The following KHDRBS2 variants were observed in gnomAD, a reference collection of about 807,000 sequenced individuals.
The protein encoded by KHDRBS2 is KH domain-containing, RNA-binding, signal transduction-associated protein 2.
KHDRBS2 carries 26 observed loss-of-function variants against 44.3 expected under a neutral mutation model. That is an observed-to-expected ratio of 0.59 (90% CI 0.43 to 0.81). The LOEUF (loss-of-function observed/expected upper bound fraction) is 0.81. KHDRBS2 is among the 40% of genes least tolerant of loss of function. The pLI is 0.00. For synonymous variants in KHDRBS2, 194 were observed against 151.1 expected, an observed-to-expected ratio of 1.28 and a Z score of -2.08; for missense variants, 476 against 433.1, an observed-to-expected ratio of 1.10 and a Z score of -0.88.
At chr6:62,164,876 C>T (rs150226086) in intron 2 of KHDRBS2, among the ~76,000 whole-genome samples, 226 of 151,978 alleles carry the variant, frequency 1.5e-3, no homozygotes, top group African/African-American at 4.6e-3. Flanking sequence ...AGAGCAGCAA[C>T]ATCTCAAATT....
chr6:62,148,090 G>T (rs2150103267), intron 2 of KHDRBS2, among the ~76,000 whole-genome samples: 1 of 152,112 alleles, frequency 6.6e-6, no homozygotes, highest in East Asian at 1.9e-4. Context: ...CTGACTTCGT[G>T]ACTTGACTTT....
intron 4 of KHDRBS2, among the ~76,000 whole-genome samples, chr6:61,950,420 C>A (rs938508797): frequency 2.6e-5 from 4 of 151,968 alleles, no homozygotes; most frequent in African/African-American, 9.7e-5. Context: ...AGTTAACATT[C>A]CAGATGTTCC....
chr6:61,769,762 G>A (rs1467218698), intron 6 of KHDRBS2, among the ~76,000 whole-genome samples: 3 of 152,214 alleles, frequency 2.0e-5, no homozygotes, highest in Non-Finnish European at 4.4e-5. Context: ...TCTGGGGGCA[G>A]GGCACAGACA....
At chr6:61,595,776 AGTATAT>A in the KHDRBS2 span, among the ~76,000 whole-genome samples, 1 of 151,958 alleles carries the variant, frequency 6.6e-6, no homozygotes, top group East Asian at 1.9e-4. Context: ...ACGATGTCAA[AGTATAT>A]AAACAAACAT....
At chr6:62,157,799 T>A (rs1375130625) in intron 2 of KHDRBS2, among the ~76,000 whole-genome samples, 1 of 152,200 alleles carries the variant, frequency 6.6e-6, no homozygotes, top group Non-Finnish European at 1.5e-5. Context: ...AAAACTGTAT[T>A]TAAGATGAAT....
intron 1 of KHDRBS2, among the ~76,000 whole-genome samples, chr6:62,234,776 C>T (rs1414117459): frequency 6.6e-6 from 1 of 151,900 alleles, no homozygotes; most frequent in Non-Finnish European, 1.5e-5. Flanking sequence ...ACTTCTAACA[C>T]CACCACACAA....
At chr6:61,714,717 TAA>T (rs999327688) in intron 7 of KHDRBS2, among the ~76,000 whole-genome samples, 2 of 151,872 alleles carry the variant, frequency 1.3e-5, no homozygotes, top group Non-Finnish European at 2.9e-5. Context: ...TACTCATCCA[TAA>T]AAAAGAATGA....
chr6:62,050,817 T>A (rs1414767002), intron 2 of KHDRBS2, among the ~76,000 whole-genome samples: 1 of 152,048 alleles, frequency 6.6e-6, no homozygotes, highest in Non-Finnish European at 1.5e-5. Flanking sequence ...ATTAAAAACA[T>A]ATGTTCATAA....
At chr6:61,893,058 A>G (rs1312638148) in intron 6 of KHDRBS2, among the ~76,000 whole-genome samples, 1 of 152,206 alleles carries the variant, frequency 6.6e-6, no homozygotes, top group African/African-American at 2.4e-5. Flanking sequence ...ATTTACAAGA[A>G]AAAAACAACC....
chr6:61,625,265 G>C, the KHDRBS2 span, among the ~76,000 whole-genome samples: 1 of 150,996 alleles, frequency 6.6e-6, no homozygotes, highest in Non-Finnish European at 1.5e-5. Context: ...ACAGAGATGG[G>C]GTTGTAATTT....
intron 6 of KHDRBS2, among the ~76,000 whole-genome samples, chr6:61,856,868 T>C (rs1796235297): frequency 6.6e-6 from 1 of 152,014 alleles, no homozygotes; most frequent in African/African-American, 2.4e-5. Context: ...TATGCAGTAG[T>C]TTTGTTAATC....
chr6:61,913,781 AAAGGAGT>A (rs1806469940), intron 4 of KHDRBS2, among the ~76,000 whole-genome samples: 5 of 152,060 alleles, frequency 3.3e-5, no homozygotes, highest in African/African-American at 1.2e-4. Context: ...ACCCAAATGA[AAAGGAGT>A]CTGTCATGTG....
At chr6:62,135,982 T>C (rs1488769995) in intron 2 of KHDRBS2, among the ~76,000 whole-genome samples, 4 of 151,588 alleles carry the variant, frequency 2.6e-5, no homozygotes, top group East Asian at 1.9e-4. Context: ...ATCTAAGGTA[T>C]AGCAAGAGGA....
intron 3 of KHDRBS2, among the ~76,000 whole-genome samples, chr6:61,998,348 C>T (rs1325813264): frequency 6.6e-6 from 1 of 152,102 alleles, no homozygotes; most frequent in African/African-American, 2.4e-5. Flanking sequence ...TAATAAGTTG[C>T]TATTTCTTAC....
downstream of KHDRBS2, among the ~76,000 whole-genome samples, chr6:61,675,338 C>G (rs1294591272): frequency 6.6e-6 from 1 of 151,618 alleles, no homozygotes; most frequent in Non-Finnish European, 1.5e-5. Flanking sequence ...TTTGTGACAA[C>G]TTTATTTAAA....
intron 6 of KHDRBS2, among the ~76,000 whole-genome samples, chr6:61,889,165 C>T (rs1168412271): frequency 3.3e-5 from 5 of 152,118 alleles, no homozygotes; most frequent in African/African-American, 1.2e-4. Context: ...GGTATTTATG[C>T]ATGCTTATAA....
intron 3 of KHDRBS2, among the ~76,000 whole-genome samples, chr6:62,004,736 C>T (rs756368425): frequency 8.5e-5 from 13 of 152,060 alleles, no homozygotes; most frequent in Non-Finnish European, 1.5e-4. Context: ...ACCAATATCC[C>T]TGATGAACAT....
chr6:62,174,925 T>C (rs977367383), intron 2 of KHDRBS2, among the ~76,000 whole-genome samples: 1 of 151,752 alleles, frequency 6.6e-6, no homozygotes, highest in Non-Finnish European at 1.5e-5. Context: ...AGATCATAAA[T>C]GTACATCAAA....
At chr6:61,851,850 A>G (rs1292500508) in intron 6 of KHDRBS2, among the ~76,000 whole-genome samples, 1 of 152,248 alleles carries the variant, frequency 6.6e-6, no homozygotes, top group African/African-American at 2.4e-5. Flanking sequence ...AGATAGGTGA[A>G]GGATATCAAT....
Sources: gnomAD v4.1 joint callset for allele counts (sites outside exome capture counted in the v4.1 genomes callset) on GRCh38, gnomAD v4.1.1 for gene constraint, MANE v1.5 for transcripts, NCBI Gene and HGNC (gene_info 2026-07-23, HGNC 2026-07-21) for gene names.